The following SLC8A1 variants were observed in gnomAD, a reference collection of about 807,000 sequenced individuals.
SLC8A1 encodes the protein solute carrier family 8 member A1, also known as sodium/calcium exchanger 1.
In SLC8A1, 18 loss-of-function variants were observed where a neutral mutation model predicts 68.3. That is an observed-to-expected ratio of 0.26 (90% CI 0.18 to 0.39). The LOEUF is 0.39. Ranked by LOEUF, SLC8A1 falls within the 10% of genes least tolerant of loss-of-function variation. SLC8A1 has a pLI of 1.00. For missense variants in SLC8A1, 985 were observed against 1,156.7 expected, an observed-to-expected ratio of 0.85 and a Z score of 2.15; for synonymous variants, 475 against 415.5, an observed-to-expected ratio of 1.14 and a Z score of -1.74.
intron 1 of SLC8A1, among the ~76,000 whole-genome samples, chr2:40,438,500 GA>G (rs1233533803): frequency 3.9e-5 from 6 of 152,100 alleles, no homozygotes; most frequent in Non-Finnish European, 7.4e-5. Flanking sequence ...ACACTACAGG[GA>G]TTGCAAATAT....
chr2:40,197,659 T>A (rs1303438810), intron 2 of SLC8A1, among the ~76,000 whole-genome samples: 1 of 151,510 alleles, frequency 6.6e-6, no homozygotes, highest in Non-Finnish European at 1.5e-5. Context: ...CTAAAGGAAA[T>A]TCAGTATTCT....
chr2:40,357,559 G>C (rs558181180), intron 2 of SLC8A1, among the ~76,000 whole-genome samples: 1 of 148,890 alleles, frequency 6.7e-6, no homozygotes, highest in Non-Finnish European at 1.5e-5. Flanking sequence ...CAGTGTAGAA[G>C]TAATCTTCTC....
At chr2:40,299,601 G>T (rs2071051772) in intron 2 of SLC8A1, among the ~76,000 whole-genome samples, 1 of 152,122 alleles carries the variant, frequency 6.6e-6, no homozygotes, top group Non-Finnish European at 1.5e-5. Flanking sequence ...GCAAACATTT[G>T]GACTTGTAAG....
chr2:40,165,478 A>T (rs1421510624), intron 4 of SLC8A1, among the ~76,000 whole-genome samples: 1 of 152,174 alleles, frequency 6.6e-6, no homozygotes, highest in African/African-American at 2.4e-5. Flanking sequence ...GATGGGGAAC[A>T]GGAAATTCTG....
intron 1 of SLC8A1, among the ~76,000 whole-genome samples, chr2:40,439,019 C>G (rs768515708): frequency 2.6e-5 from 4 of 152,052 alleles, no homozygotes; most frequent in Non-Finnish European, 5.9e-5. Context: ...AATATGTCAG[C>G]TGTGCTTTCC....
intron 2 of SLC8A1, among the ~76,000 whole-genome samples, chr2:40,343,625 G>A (rs569455568): frequency 1.4e-4 from 21 of 152,162 alleles, no homozygotes; most frequent in Admixed American, 5.2e-4. Flanking sequence ...ATTGTTCCTG[G>A]TAATTATGCA....
chr2:40,263,246 C>T (rs1202955298), intron 2 of SLC8A1, among the ~76,000 whole-genome samples: 2 of 152,198 alleles, frequency 1.3e-5, no homozygotes, highest in South Asian at 2.1e-4. Flanking sequence ...TAATGGCCAA[C>T]TTGTAGAGTT....
At chr2:40,189,836 G>C (rs952535359) in intron 2 of SLC8A1, 1 of 152,032 alleles carries the variant, frequency 6.6e-6, no homozygotes, top group Non-Finnish European at 1.5e-5. Context: ...TTATTTTCCC[G>C]ACAATCCTCC....
At chr2:40,258,199 C>T (rs962934637) in intron 2 of SLC8A1, among the ~76,000 whole-genome samples, 1 of 152,186 alleles carries the variant, frequency 6.6e-6, no homozygotes, top group African/African-American at 2.4e-5. Context: ...GCTTCCCTGA[C>T]TGCCTACAGA....
intron 1 of SLC8A1, among the ~76,000 whole-genome samples, chr2:40,480,674 G>A (rs1704571986): frequency 6.6e-6 from 1 of 152,186 alleles, no homozygotes; most frequent in Non-Finnish European, 1.5e-5. Flanking sequence ...TCTTGTTGGA[G>A]TGGAAAGGAC....
chr2:40,205,490 C>A (rs566080983), intron 2 of SLC8A1, among the ~76,000 whole-genome samples: 1 of 152,056 alleles, frequency 6.6e-6, no homozygotes, highest in East Asian at 1.9e-4. Context: ...CTATCACTGA[C>A]TTTGCAGGGA....
intron 2 of SLC8A1, among the ~76,000 whole-genome samples, chr2:40,204,681 A>G (rs1321799698): frequency 6.6e-6 from 1 of 152,050 alleles, no homozygotes; most frequent in Non-Finnish European, 1.5e-5. Flanking sequence ...CAACAGAAAT[A>G]CAATGCAAGT....
chr2:40,128,485 G>T (rs962014200), intron 7 of SLC8A1, among the ~76,000 whole-genome samples: 1 of 152,190 alleles, frequency 6.6e-6, no homozygotes, highest in African/African-American at 2.4e-5. Context: ...AGTATGACGT[G>T]CTGGGGCCAT....
At chr2:40,507,087 G>A (rs1415140302) in intron 1 of SLC8A1, among the ~76,000 whole-genome samples, 3 of 151,968 alleles carry the variant, frequency 2.0e-5, no homozygotes, top group African/African-American at 4.8e-5. Context: ...TAAGTTAATT[G>A]TCGAGTGGAT....
chr2:40,246,363 CT>C (rs1182438124), intron 2 of SLC8A1, among the ~76,000 whole-genome samples: 2 of 152,232 alleles, frequency 1.3e-5, no homozygotes, highest in East Asian at 3.8e-4. Context: ...AATCATGCAA[CT>C]TTTGGCCAGA....
chr2:40,187,116 C>A (rs2050842089), intron 2 of SLC8A1, among the ~76,000 whole-genome samples: 1 of 152,052 alleles, frequency 6.6e-6, no homozygotes, highest in Admixed American at 6.6e-5. Context: ...ACCCTCAAAT[C>A]CACTCTCATA....
chr2:40,205,361 A>T (rs1456245317), intron 2 of SLC8A1, among the ~76,000 whole-genome samples: 1 of 152,046 alleles, frequency 6.6e-6, no homozygotes, highest in African/African-American at 2.4e-5. Context: ...ACAGCTGTGG[A>T]ATGCTTCAAG....
intron 7 of SLC8A1, chr2:40,118,468 A>T (rs1180601746): frequency 6.6e-6 from 1 of 152,190 alleles, no homozygotes; most frequent in Non-Finnish European, 1.5e-5. Flanking sequence ...ATTCATGATC[A>T]CACATTCACA....
chr2:40,287,564 G>A (rs1045792429), intron 2 of SLC8A1, among the ~76,000 whole-genome samples: 3 of 148,812 alleles, frequency 2.0e-5, no homozygotes, highest in Admixed American at 6.7e-5. Flanking sequence ...TTCTTTCAGC[G>A]GACTTGGCAG....
Sources: allele counts gnomAD v4.1 joint callset (sites outside exome capture counted in the v4.1 genomes callset), GRCh38; gene constraint gnomAD v4.1.1; transcripts MANE v1.5; gene names NCBI Gene and HGNC (gene_info 2026-07-23, HGNC 2026-07-21).